The following PHF14 variants were observed in gnomAD, a reference collection of about 807,000 sequenced individuals.
The protein encoded by PHF14 is PHD finger protein 14.
In PHF14, 55 loss-of-function variants were observed where a neutral mutation model predicts 117.9. The observed-to-expected ratio is 0.47, with a 90% confidence interval of 0.38 to 0.58. The LOEUF is 0.58. Among genes scored for constraint, PHF14 ranks in the 20% least tolerant of loss-of-function variants. PHF14 has a pLI of 0.00. For synonymous variants in PHF14, 409 were observed against 368.6 expected, an observed-to-expected ratio of 1.11 and a Z score of -1.26; for missense variants, 978 against 1,122.2, an observed-to-expected ratio of 0.87 and a Z score of 1.84.
chr7:10,990,941 T>C (rs1011753212), intron 4 of PHF14, 94 bp downstream of exon 4: 20 of 810,004 alleles, frequency 2.5e-5, no homozygotes, highest in African/African-American at 8.8e-5. Flanking sequence ...TCATGGTGTT[T>C]CGGTTGAAAT....
intron 16 of PHF14, among the ~76,000 whole-genome samples, chr7:11,073,090 G>GC (rs376818123): frequency 4.0e-5 from 6 of 151,790 alleles, no homozygotes; most frequent in Admixed American, 6.6e-5. Context: ...TTCACTCCTT[G>GC]CCCCCCCTCC....
At chr7:11,008,028 A>G (rs1783187576) in intron 4 of PHF14, among the ~76,000 whole-genome samples, 1 of 152,152 alleles carries the variant, frequency 6.6e-6, no homozygotes, top group Non-Finnish European at 1.5e-5. Context: ...TCTGACCGTG[A>G]TGTCACTTAT....
intron 2 of PHF14, among the ~76,000 whole-genome samples, chr7:10,975,389 A>G (rs1209019242): frequency 6.6e-6 from 1 of 152,166 alleles, no homozygotes; most frequent in Non-Finnish European, 1.5e-5. Context: ...TACTAGAATA[A>G]AATTGACCAG....
chr7:11,059,143 A>G lies in PHF14; in HGVS notation c.2482-2648A>G, dbSNP rs576610907. 1.6e-4 allele frequency among the ~76,000 whole-genome samples: 24 copies of G among 152,288 alleles called. No homozygotes were observed. The South Asian group carries it at 4.8e-3, about 30-fold the overall frequency. On this transcript the variant is annotated intron_variant, in intron 14 of 17. Transcript: ENST00000634607. ...TTGTGTGATTGAATCACTAATTGGC[A>G]TTATACCATATGATGCTAATTGCAA...
chr7:11,001,651 T>C (rs543261819), intron 4 of PHF14, among the ~76,000 whole-genome samples: 1 of 150,500 alleles, frequency 6.6e-6, no homozygotes, highest in East Asian at 1.9e-4. Flanking sequence ...GGAATTTTGT[T>C]TTTAATTTCA....
At chr7:11,043,028 G>C (rs1784549018) in intron 13 of PHF14, among the ~76,000 whole-genome samples, 1 of 151,902 alleles carries the variant, frequency 6.6e-6, no homozygotes, top group African/African-American at 2.4e-5. Flanking sequence ...CTTAGCAATA[G>C]ATTCTTCTTT....
intron 14 of PHF14, chr7:11,061,261 T>A (rs1264228083): frequency 6.6e-6 from 1 of 152,232 alleles, no homozygotes; most frequent in Non-Finnish European, 1.5e-5. Flanking sequence ...TTATGTGGCA[T>A]TTTAATTAGT....
chr7:11,083,054 A>G (rs931762125), intron 16 of PHF14, among the ~76,000 whole-genome samples: 4 of 152,072 alleles, frequency 2.6e-5, no homozygotes, highest in African/African-American at 9.7e-5. Context: ...TCTCTCCCTT[A>G]TGTGCACACC....
chr7:11,135,610 C>T (rs926147096), intron 17 of PHF14, among the ~76,000 whole-genome samples: 13 of 151,616 alleles, frequency 8.6e-5, no homozygotes, highest in Admixed American at 4.6e-4. Flanking sequence ...TTCTTTTTTT[C>T]CCATTGAAAC....
At chr7:10,989,511 C>A (rs1055957072) in intron 3 of PHF14, among the ~76,000 whole-genome samples, 2 of 152,118 alleles carry the variant, frequency 1.3e-5, no homozygotes, top group Non-Finnish European at 2.9e-5. Context: ...ATTAAATATG[C>A]AAGAATCATT....
At chr7:11,109,519 A>G (rs1787373824) in intron 16 of PHF14, 1 of 151,876 alleles carries the variant, frequency 6.6e-6, no homozygotes, top group Non-Finnish European at 1.5e-5. Flanking sequence ...GCTCTCAGTT[A>G]TTTAGAAATC....
intron 16 of PHF14, among the ~76,000 whole-genome samples, chr7:11,078,105 C>T (rs946643739): frequency 3.9e-5 from 6 of 152,018 alleles, no homozygotes; most frequent in African/African-American, 7.2e-5. Flanking sequence ...TGTTTTCTGA[C>T]GAAAGAGAAG....
At chr7:11,055,621 T>C (rs559599721) in intron 14 of PHF14, among the ~76,000 whole-genome samples, 5 of 152,330 alleles carry the variant, frequency 3.3e-5, no homozygotes, top group Non-Finnish European at 5.9e-5. Context: ...GAAGGAGATT[T>C]AAACACATCT....
chr7:11,012,739 T>A (rs1332129062), intron 4 of PHF14, among the ~76,000 whole-genome samples: 1 of 152,242 alleles, frequency 6.6e-6, no homozygotes, highest in Non-Finnish European at 1.5e-5. Context: ...AATGTTGAGT[T>A]TTGTGAGTGA....
chr7:11,128,385 T>G (rs7811934), intron 17 of PHF14, among the ~76,000 whole-genome samples: 71,495 of 151,706 alleles, frequency 0.47, 17,571 homozygotes, highest in East Asian at 0.84. Flanking sequence ...TTTGTTATTT[T>G]CCCTACTTCA....
At chr7:11,032,111 A>G (rs192153762) in intron 7 of PHF14, among the ~76,000 whole-genome samples, 59 of 152,254 alleles carry the variant, frequency 3.9e-4, no homozygotes, top group African/African-American at 1.4e-3. Flanking sequence ...CACAAAATGT[A>G]AAAATTAGCC....
chr7:11,043,801 A>G (rs1023702195), intron 13 of PHF14, among the ~76,000 whole-genome samples: 3 of 152,124 alleles, frequency 2.0e-5, no homozygotes, highest in African/African-American at 4.8e-5. Context: ...TCAAATCCCA[A>G]CAATGTTAAT....
chr7:11,159,811 G>A (rs950587278), intron 17 of PHF14, among the ~76,000 whole-genome samples: 1 of 151,984 alleles, frequency 6.6e-6, no homozygotes, highest in Admixed American at 6.6e-5. Context: ...TTTATAGAAA[G>A]AAAAAATTCT....
chr7:10,995,297 T>G (rs537232650), intron 4 of PHF14, among the ~76,000 whole-genome samples: 1 of 151,548 alleles, frequency 6.6e-6, no homozygotes, highest in East Asian at 2.0e-4. Flanking sequence ...GTTCTCCAAG[T>G]CCCCACCAGA....
Sources: allele counts gnomAD v4.1 joint callset (sites outside exome capture counted in the v4.1 genomes callset), GRCh38; gene constraint gnomAD v4.1.1; transcripts MANE v1.5; gene names NCBI Gene and HGNC (gene_info 2026-07-23, HGNC 2026-07-21).